WWOX: variants seen among roughly 807,000 people sequenced by gnomAD.
WWOX encodes WW domain-containing oxidoreductase.
Under a neutral mutation model 46.2 loss-of-function variants are expected in WWOX, and 69 were observed. The ratio of observed to expected loss-of-function variants is 1.49; its 90% CI spans 1.23 to 1.82. The LOEUF (loss-of-function observed/expected upper bound fraction) is 1.82. Ranked by LOEUF, WWOX falls within the 40% of genes most tolerant of loss-of-function variation. The pLI, the probability that WWOX is intolerant of heterozygous loss-of-function variation, is 0.00. For missense variants in WWOX, 919 were observed against 542.6 expected, an observed-to-expected ratio of 1.69 and a Z score of -6.89; for synonymous variants, 359 against 202.6, an observed-to-expected ratio of 1.77 and a Z score of -6.56.
chr16:78,322,877 A>T (rs2080517875), intron 5 of WWOX, among the ~76,000 whole-genome samples: 1 of 152,150 alleles, frequency 6.6e-6, no homozygotes, highest in Non-Finnish European at 1.5e-5. Context: ...GGAAACTTGA[A>T]CTTTTTATGA....
rs551572908 is a variant in WWOX, at chr16:78,708,850, G to A, written c.1056+276098G>A. 7.2e-5 allele frequency among the ~76,000 whole-genome samples: 11 copies of A among 152,306 alleles called. No homozygotes were observed. The East Asian group carries it at 1.7e-3, about 24-fold the overall frequency. On this transcript the variant is annotated intron_variant, in intron 8 of 8. Coordinates refer to ENST00000566780, the MANE Select transcript of WWOX (RefSeq NM_016373.4). The stretch of plus-strand genomic sequence containing the variant: ...ATTATTTTTCACAGCGCCCAGCAAA[G>A]GGCTTGTATGCAAAGGACCCTCAGT...
At chr16:79,159,857 T>A (rs2050450944) in intron 8 of WWOX, among the ~76,000 whole-genome samples, 1 of 152,240 alleles carries the variant, frequency 6.6e-6, no homozygotes. Context: ...CCTTCTAGCC[T>A]GGGCTTGTCA....
chr16:78,868,632 T>G (rs1449546304), intron 8 of WWOX, among the ~76,000 whole-genome samples: 2 of 152,198 alleles, frequency 1.3e-5, no homozygotes, highest in Admixed American at 6.5e-5. Flanking sequence ...TTCTGTATAA[T>G]TAGACAAATT....
chr16:78,525,999 C>T (rs184362569), intron 8 of WWOX: 1 of 152,320 alleles, frequency 6.6e-6, no homozygotes, highest in Non-Finnish European at 1.5e-5. Context: ...ATCCTATCTG[C>T]TTCTGACACC....
intron 8 of WWOX, among the ~76,000 whole-genome samples, chr16:78,884,737 G>A (rs1178386239): frequency 6.6e-6 from 1 of 152,194 alleles, no homozygotes; most frequent in Non-Finnish European, 1.5e-5. Context: ...TCAAGCTACT[G>A]GGTGTGTTCA....
At chr16:78,798,025 G>A (rs2050789295) in intron 8 of WWOX, among the ~76,000 whole-genome samples, 1 of 152,078 alleles carries the variant, frequency 6.6e-6, no homozygotes, top group Admixed American at 6.6e-5. Flanking sequence ...ATTCACTGGA[G>A]CTATGAGAAA....
At chr16:78,856,971 C>G (rs2052581552) in intron 8 of WWOX, among the ~76,000 whole-genome samples, 1 of 152,190 alleles carries the variant, frequency 6.6e-6, no homozygotes, top group African/African-American at 2.4e-5. Flanking sequence ...CAGCATGTTT[C>G]TGTCCTGAAT....
chr16:78,870,892 A>G (rs1456155397), intron 8 of WWOX, among the ~76,000 whole-genome samples: 5 of 152,178 alleles, frequency 3.3e-5, no homozygotes, highest in African/African-American at 4.8e-5. Context: ...ATGAGCCACC[A>G]TGCCCGGCCT....
chr16:78,182,899 C>A (rs1004479006), intron 5 of WWOX, among the ~76,000 whole-genome samples: 1 of 145,664 alleles, frequency 6.9e-6, no homozygotes, highest in Admixed American at 7.1e-5. Context: ...TGCAGTGAGC[C>A]GAGATTGCGC....
intron 8 of WWOX, among the ~76,000 whole-genome samples, chr16:78,481,614 G>A (rs1479865204): frequency 6.7e-6 from 1 of 148,182 alleles, no homozygotes; most frequent in East Asian, 1.9e-4. Context: ...GTGGTACACT[G>A]AGCCTAGTTG....
At chr16:78,775,892 C>T (rs2142536589) in intron 8 of WWOX, among the ~76,000 whole-genome samples, 1 of 152,292 alleles carries the variant, frequency 6.6e-6, no homozygotes, top group East Asian at 1.9e-4. Context: ...TCATGAGCCC[C>T]TGTAAGAGCT....
chr16:79,025,429 A>T (rs964945705), intron 8 of WWOX, among the ~76,000 whole-genome samples: 1 of 152,190 alleles, frequency 6.6e-6, no homozygotes, highest in South Asian at 2.1e-4. Context: ...CCTAAATCCA[A>T]TGACAGGTGT....
At chr16:78,689,909 G>T (rs1198195786) in intron 8 of WWOX, among the ~76,000 whole-genome samples, 2 of 152,002 alleles carry the variant, frequency 1.3e-5, no homozygotes, top group Non-Finnish European at 2.9e-5. Context: ...TGCCCAGGCT[G>T]CAGTGCAGTG....
At chr16:78,333,554 A>G (rs1188158385) in intron 5 of WWOX, among the ~76,000 whole-genome samples, 1 of 152,174 alleles carries the variant, frequency 6.6e-6, no homozygotes, top group Non-Finnish European at 1.5e-5. Context: ...TAATCAGTAT[A>G]TCATATTTAT....
chr16:79,096,346 C>G (rs923687197), intron 8 of WWOX, among the ~76,000 whole-genome samples: 1 of 152,098 alleles, frequency 6.6e-6, no homozygotes, highest in Non-Finnish European at 1.5e-5. Flanking sequence ...TCGAGCTGGC[C>G]ATGGCATCCT....
chr16:79,027,641 T>C (rs144570550), intron 8 of WWOX, among the ~76,000 whole-genome samples: 8 of 152,010 alleles, frequency 5.3e-5, no homozygotes, highest in Admixed American at 1.3e-4. Flanking sequence ...AATTCGGTCA[T>C]TGTTATAAGC....
intron 8 of WWOX, among the ~76,000 whole-genome samples, chr16:79,141,441 A>C (rs558348639): frequency 7.0e-4 from 107 of 152,290 alleles, no homozygotes; most frequent in African/African-American, 2.3e-3. Flanking sequence ...TAAACTTTCT[A>C]AATTAGCTGA....
intron 8 of WWOX, among the ~76,000 whole-genome samples, chr16:79,018,197 C>G (rs1049495655): frequency 6.6e-6 from 1 of 152,136 alleles, no homozygotes; most frequent in Non-Finnish European, 1.5e-5. Flanking sequence ...CGTTGAGTCC[C>G]TAGTTATTTT....
intron 8 of WWOX, among the ~76,000 whole-genome samples, chr16:79,149,328 G>T (rs147394343): frequency 1.3e-5 from 2 of 152,128 alleles, no homozygotes; most frequent in Non-Finnish European, 2.9e-5. Flanking sequence ...TTGATATGGT[G>T]GACTATATTG....
Sources: gnomAD v4.1 joint callset for allele counts (sites outside exome capture counted in the v4.1 genomes callset) on GRCh38, gnomAD v4.1.1 for gene constraint, MANE v1.5 for transcripts, NCBI Gene and HGNC (gene_info 2026-07-23, HGNC 2026-07-21) for gene names.